Variants in RASEF observed in about 807,000 individuals in gnomAD.
The protein encoded by RASEF is ras and EF-hand domain-containing protein.
RASEF carries 68 observed loss-of-function variants against 90.1 expected under a neutral mutation model. That is an observed-to-expected ratio of 0.75 (90% CI 0.62 to 0.92). RASEF has a LOEUF of 0.92. Ranked by LOEUF, RASEF falls within the 40% of genes least tolerant of loss-of-function variation. RASEF has a pLI of 0.00. For synonymous variants in RASEF, 331 were observed against 345.2 expected, an observed-to-expected ratio of 0.96 and a Z score of 0.46; for missense variants, 949 against 937.2, an observed-to-expected ratio of 1.01 and a Z score of -0.16.
the RASEF span, among the ~76,000 whole-genome samples, chr9:83,180,437 T>C: frequency 9.9e-5 from 15 of 151,594 alleles, no homozygotes; most frequent in Admixed American, 3.9e-4. Flanking sequence ...TATCTTGCCA[T>C]AGTAAATGGG....
At chr9:83,084,087 G>T in the RASEF span, among the ~76,000 whole-genome samples, 14 of 151,934 alleles carry the variant, frequency 9.2e-5, no homozygotes, top group African/African-American at 3.1e-4. Context: ...TAACAAGAAC[G>T]TGGTATAAGT....
chr9:82,990,435 G>A lies in RASEF; in HGVS notation c.2073C>T (p.Ala691=), dbSNP rs760039429. The change falls in exon 16 of 17, where the codon GCC becomes GCT. Residue 691 remains alanine (A), a synonymous_variant. Coordinates refer to ENST00000376447, the MANE Select transcript of RASEF (RefSeq NM_152573.4). ...CCTCCACTATGTTAGAACCATCTTTGGCACTTGTTTCACAGAATAATGCCC... is the reference window on the plus strand; with the variant it reads ...CCTCCACTATGTTAGAACCATCTTTAGCACTTGTTTCACAGAATAATGCCC... ...TYGALFCETS[A]KDGSNIVEAV... The A allele has an allele frequency of 3.7e-6, 6 of 1,613,628 alleles. No individual in the cohort carries two copies. The East Asian group carries it at 1.1e-4, about 30-fold the overall frequency.
the RASEF span, among the ~76,000 whole-genome samples, chr9:83,206,258 A>G: frequency 1.4e-4 from 22 of 152,356 alleles, no homozygotes; most frequent in Non-Finnish European, 1.8e-4. Flanking sequence ...AAAGTGTTTT[A>G]TATTCCTAAT....
chr9:82,983,842 G>A (rs549493499), intron 16 of RASEF, among the ~76,000 whole-genome samples: 2 of 152,320 alleles, frequency 1.3e-5, no homozygotes, highest in South Asian at 2.1e-4. Flanking sequence ...GAGATGCCAC[G>A]TGGAGTGAAG....
rs770989965 is a variant in RASEF, at chr9:83,005,484, G to C, written c.1045C>G (p.Leu349Val). 3.1e-6 allele frequency: 5 copies of C among 1,613,748 alleles called. No homozygotes were observed. Among genetic ancestry groups the C allele is most frequent in the Non-Finnish European group, 4.2e-6 (5 of 1,179,710 alleles). Reference protein sequence around the residue: ...IEILQTANRKLHDSNDGLRSA... With the variant: ...IEILQTANRKVHDSNDGLRSA... ...CTAAGGCCATCATTACTGTCATGTA[G>C]CTTCCGGTTAGCTGTTCTGCAGGGT... Residue 349 changes from leucine (L) to valine (V), a missense_variant, in exon 8 of 17, where the codon CTA (leucine) becomes GTA (valine). Transcript: ENST00000376447.
chr9:83,029,259 A>C (rs1829599909), intron 1 of RASEF, among the ~76,000 whole-genome samples: 1 of 152,210 alleles, frequency 6.6e-6, no homozygotes, highest in East Asian at 1.9e-4. Flanking sequence ...CTCTGGCAGA[A>C]GAAATGGGAT....
chr9:83,020,661 A>C (rs1011531075), intron 3 of RASEF, among the ~76,000 whole-genome samples: 4 of 152,198 alleles, frequency 2.6e-5, no homozygotes, highest in Non-Finnish European at 5.9e-5. Flanking sequence ...ACCGGACTGA[A>C]GCCAAGGAAA....
chr9:83,070,420 A>T, the RASEF span, among the ~76,000 whole-genome samples: 2 of 152,124 alleles, frequency 1.3e-5, no homozygotes, highest in Non-Finnish European at 2.9e-5. Context: ...TAGAAATCAA[A>T]TGACTACATA....
intron 1 of RASEF, chr9:83,049,314 C>G (rs903446629): frequency 1.0e-6 from 1 of 985,168 alleles, no homozygotes; most frequent in African/African-American, 1.7e-5. Flanking sequence ...AGTCAGCTAA[C>G]CTGACGGGGA....
the RASEF span, among the ~76,000 whole-genome samples, chr9:83,175,601 G>A: frequency 6.7e-6 from 1 of 148,998 alleles, no homozygotes; most frequent in African/African-American, 2.5e-5. Context: ...TTTTTTTTAA[G>A]ATGGAGTCTC....
intron 2 of RASEF, among the ~76,000 whole-genome samples, chr9:83,023,227 G>C (rs1829475566): frequency 6.6e-6 from 1 of 152,058 alleles, no homozygotes; most frequent in African/African-American, 2.4e-5. Context: ...ATTCTTATTT[G>C]TCCCCTAAAG....
intron 1 of RASEF, among the ~76,000 whole-genome samples, chr9:83,035,012 G>A (rs1829714597): frequency 6.6e-6 from 1 of 152,154 alleles, no homozygotes; most frequent in African/African-American, 2.4e-5. Context: ...CCATGTCTGG[G>A]TGGTGTTTCA....
chr9:83,175,359 T>C, the RASEF span, among the ~76,000 whole-genome samples: 1 of 152,236 alleles, frequency 6.6e-6, no homozygotes, highest in Non-Finnish European at 1.5e-5. Context: ...TCTATAGAGA[T>C]GATCATTTGC....
At chr9:83,036,790 T>C (rs1190723983) in intron 1 of RASEF, among the ~76,000 whole-genome samples, 1 of 152,206 alleles carries the variant, frequency 6.6e-6, no homozygotes, top group African/African-American at 2.4e-5. Context: ...AATCAGTTCA[T>C]TAATTGTAAC....
At chr9:83,138,524 A>G in the RASEF span, among the ~76,000 whole-genome samples, 1 of 152,214 alleles carries the variant, frequency 6.6e-6, no homozygotes, top group Admixed American at 6.5e-5. Flanking sequence ...CGTAGAAAAC[A>G]CAGCATATCT....
chr9:83,005,442 T>A lies in RASEF; in HGVS notation c.1087A>T (p.Ser363Cys). The A allele has an allele frequency of 6.2e-7, 1 of 1,613,732 alleles. No individual in the cohort carries two copies. The highest frequency in any genetic ancestry group is 8.5e-7 in the Non-Finnish European group (1 of 1,179,650). The change falls in exon 8 of 17, where the codon AGT (serine) becomes TGT (cysteine). Residue 363 changes from serine (S) to cysteine (C), a missense_variant. Transcript: ENST00000376447. ...AAAGATCTGTTGAACTTGCTATAACTGTTTTCAAGGGCACTTCTAAGGCCA... is the reference window on the plus strand; with the variant it reads ...AAAGATCTGTTGAACTTGCTATAACAGTTTTCAAGGGCACTTCTAAGGCCA... ...NDGLRSALENSYSKFNRSLHI... is the reference protein window; with the variant it reads ...NDGLRSALENCYSKFNRSLHI...
the RASEF span, among the ~76,000 whole-genome samples, chr9:83,074,556 T>TA: frequency 3.3e-5 from 5 of 152,034 alleles, no homozygotes; most frequent in South Asian, 8.3e-4. Flanking sequence ...TTTTTATGTT[T>TA]AAAAAAAATC....
the RASEF span, among the ~76,000 whole-genome samples, chr9:83,169,308 A>G: frequency 6.6e-6 from 1 of 151,690 alleles, no homozygotes; most frequent in Non-Finnish European, 1.5e-5. Flanking sequence ...CACTGCAATA[A>G]ACATGACAGT....
the RASEF span, among the ~76,000 whole-genome samples, chr9:83,113,036 C>T: frequency 1.3e-5 from 2 of 152,070 alleles, no homozygotes; most frequent in East Asian, 1.9e-4. Context: ...ATTTTCAACA[C>T]ACATATAAGA....
Sources: allele counts gnomAD v4.1 joint callset (sites outside exome capture counted in the v4.1 genomes callset), GRCh38; gene constraint gnomAD v4.1.1; transcripts MANE v1.5; gene names NCBI Gene and HGNC (gene_info 2026-07-23, HGNC 2026-07-21).